The following S100A8 variants were observed in gnomAD, a reference collection of about 807,000 sequenced individuals.
S100A8 encodes the protein S100 calcium binding protein A8, also known as protein S100-A8.
A neutral mutation model predicts 4.2 loss-of-function variants in S100A8; 1 was observed. The observed-to-expected ratio is 0.24, with a 90% CI of 0.08 to 1.12. S100A8 has a LOEUF of 1.12. Among genes scored for constraint, S100A8 ranks in the 50% most tolerant of loss-of-function variants. S100A8 has a pLI of 0.53. For missense variants in S100A8, 96 were observed against 111.8 expected, an observed-to-expected ratio of 0.86 and a Z score of 0.64; for synonymous variants, 41 against 44.7, an observed-to-expected ratio of 0.92 and a Z score of 0.33.
chr1:153,403,758 G>A, the S100A8 span, among the ~76,000 whole-genome samples: 2 of 152,138 alleles, frequency 1.3e-5, no homozygotes, highest in Non-Finnish European at 2.9e-5. Flanking sequence ...CAACACTTTT[G>A]ACGCCAAATG....
the S100A8 span, among the ~76,000 whole-genome samples, chr1:153,397,192 C>T: frequency 2.6e-5 from 4 of 152,358 alleles, no homozygotes; most frequent in African/African-American, 7.2e-5. Context: ...TGCCTTCCTC[C>T]TCCACACTGG....
At chr1:153,396,100 T>C in the S100A8 span, among the ~76,000 whole-genome samples, 1 of 152,312 alleles carries the variant, frequency 6.6e-6, no homozygotes, top group Non-Finnish European at 1.5e-5. Context: ...GTGGGGACTG[T>C]CTCCCTATCA....
the S100A8 span, chr1:153,418,248 T>C: frequency 1.5e-5 from 25 of 1,613,600 alleles, no homozygotes; most frequent in East Asian, 4.0e-4. Flanking sequence ...AGCTTCTCAA[T>C]GTTGGTTGGA....
At chr1:153,393,075 G>A (rs1571169136), upstream of S100A8, among the ~76,000 whole-genome samples, 1 of 152,264 alleles carries the variant, frequency 6.6e-6, no homozygotes, top group Middle Eastern at 3.4e-3. Flanking sequence ...GCCCCACAGA[G>A]AGACATAGTA....
chr1:153,390,931 C>T, intron 1 of S100A8, 110 bp downstream of exon 1: 1 of 830,138 alleles, frequency 1.2e-6, no homozygotes, highest in Non-Finnish European at 1.5e-6. Flanking sequence ...TATCTTTGCT[C>T]CAGACCTCCC....
At chr1:153,414,760 G>A in the S100A8 span, among the ~76,000 whole-genome samples, 1 of 152,234 alleles carries the variant, frequency 6.6e-6, no homozygotes, top group African/African-American at 2.4e-5. Context: ...CACACTCTTC[G>A]GGATTTACCC....
the S100A8 span, among the ~76,000 whole-genome samples, chr1:153,401,408 A>C: frequency 6.6e-6 from 1 of 152,204 alleles, no homozygotes; most frequent in Non-Finnish European, 1.5e-5. Flanking sequence ...AGGTGGAGAC[A>C]GACATTTGGC....
chr1:153,404,291 G>C, the S100A8 span, among the ~76,000 whole-genome samples: 5 of 152,158 alleles, frequency 3.3e-5, no homozygotes, highest in Non-Finnish European at 5.9e-5. Flanking sequence ...TTGGCCACTG[G>C]TGATTGAAGT....
chr1:153,392,553 A>G (rs543718676), upstream of S100A8, among the ~76,000 whole-genome samples: 1 of 152,376 alleles, frequency 6.6e-6, no homozygotes, highest in South Asian at 2.1e-4. Flanking sequence ...TAGCAGCATT[A>G]TTTACAAGAG....
chr1:153,399,872 C>T, the S100A8 span, among the ~76,000 whole-genome samples: 148 of 152,258 alleles, frequency 9.7e-4, no homozygotes, highest in African/African-American at 3.3e-3. Flanking sequence ...GGCAAAGGCC[C>T]GGGGCTGTAA....
chr1:153,397,880 C>G, the S100A8 span, among the ~76,000 whole-genome samples: 1 of 152,206 alleles, frequency 6.6e-6, no homozygotes, highest in African/African-American at 2.4e-5. Context: ...CAGGTTCTAT[C>G]CCCGCAAGGG....
At chr1:153,393,766 C>T (rs982128714), upstream of S100A8, among the ~76,000 whole-genome samples, 1 of 152,200 alleles carries the variant, frequency 6.6e-6, no homozygotes, top group East Asian at 1.9e-4. Flanking sequence ...AAGTATTTTG[C>T]ATCCACTGAC....
chr1:153,396,418 C>T, the S100A8 span, among the ~76,000 whole-genome samples: 1 of 152,258 alleles, frequency 6.6e-6, no homozygotes, highest in Non-Finnish European at 1.5e-5. Context: ...TATGAAATTG[C>T]TTTATTCTCT....
chr1:153,390,235 A>G lies in S100A8; in HGVS notation c.150T>C (p.Gly50=), dbSNP rs1476496825. The change falls in exon 3 of 3, where the codon GGT becomes GGC. Residue 50 remains glycine (G), a synonymous_variant. Coordinates refer to ENST00000368733, the MANE Select transcript of S100A8 (RefSeq NM_002964.5). ...CCAACTCTTTGAACCAGACGTCTGC[A>G]CCCTTTTTCTGTCAAGATTGAGGAG... ...TECPQYIRKK[G]ADVWFKELDI... The G allele has an allele frequency of 6.2e-7, 1 of 1,610,214 alleles. No individual in the cohort carries two copies. Among genetic ancestry groups the G allele is most frequent in the East Asian group, 2.2e-5 (1 of 44,778 alleles).
At chr1:153,401,229 T>G in the S100A8 span, among the ~76,000 whole-genome samples, 5 of 152,270 alleles carry the variant, frequency 3.3e-5, no homozygotes, top group African/African-American at 1.2e-4. Context: ...TCCATTATTG[T>G]TAGACATTAA....
chr1:153,395,119 A>G (rs1293632243), upstream of S100A8, among the ~76,000 whole-genome samples: 1 of 152,146 alleles, frequency 6.6e-6, no homozygotes, highest in Non-Finnish European at 1.5e-5. Context: ...GGGATACCGG[A>G]GGACTCAGAT....
At chr1:153,390,271 G>A (rs768248544) in intron 2 of S100A8, 28 bp from the exon 3 acceptor site, 1 of 1,604,392 alleles carries the variant, frequency 6.2e-7, no homozygotes, top group South Asian at 1.1e-5. Flanking sequence ...GAAGAAGCCA[G>A]AGTTTAAAGA....
chr1:153,416,411 G>A, the S100A8 span: 1 of 289,946 alleles, frequency 3.4e-6, no homozygotes, highest in South Asian at 4.0e-5. Context: ...CCACACACCT[G>A]ATATGGGACA....
chr1:153,407,672 A>G, the S100A8 span, among the ~76,000 whole-genome samples: 1 of 152,292 alleles, frequency 6.6e-6, no homozygotes, highest in East Asian at 1.9e-4. Context: ...CTGCCTCCTC[A>G]AGTGGGTCCT....
Sources: gnomAD v4.1 joint callset for allele counts (sites outside exome capture counted in the v4.1 genomes callset) on GRCh38, gnomAD v4.1.1 for gene constraint, MANE v1.5 for transcripts, NCBI Gene and HGNC (gene_info 2026-07-23, HGNC 2026-07-21) for gene names.